AUTS2: variants seen among roughly 807,000 people sequenced by gnomAD.
AUTS2 encodes autism susceptibility gene 2 protein.
AUTS2 carries 17 observed loss-of-function variants against 112.4 expected under a neutral mutation model. The ratio of observed to expected loss-of-function variants is 0.15; its 90% CI spans 0.10 to 0.23. AUTS2 has a LOEUF of 0.23. Ranked by LOEUF, AUTS2 falls within the 10% of genes least tolerant of loss-of-function variation. The probability of loss-of-function intolerance (pLI) is 1.00; values close to 1 mark genes in which losing one functional copy is unlikely to be tolerated. For synonymous variants in AUTS2, 751 were observed against 702.7 expected (o/e 1.07, Z -1.09); for missense variants, 1,510 against 1,701.6 (o/e 0.89, Z 1.98).
chr7:70,632,109 A>T (rs185424809), intron 5 of AUTS2, among the ~76,000 whole-genome samples: 1 of 152,076 alleles, frequency 6.6e-6, no homozygotes, highest in Non-Finnish European at 1.5e-5. Flanking sequence ...AGACTAGGAA[A>T]TTAGATGGTC....
intron 2 of AUTS2, among the ~76,000 whole-genome samples, chr7:70,003,681 G>T (rs370062181): frequency 8.5e-6 from 1 of 117,478 alleles, no homozygotes; most frequent in Admixed American, 9.8e-5. Context: ...ATATGAATGT[G>T]TTATATATGA....
intron 5 of AUTS2, among the ~76,000 whole-genome samples, chr7:70,548,144 C>T (rs1015894348): frequency 6.6e-5 from 10 of 152,256 alleles, no homozygotes; most frequent in Admixed American, 1.3e-4. Flanking sequence ...GATTTCTACC[C>T]GCACCCCATC....
intron 5 of AUTS2, among the ~76,000 whole-genome samples, chr7:70,473,289 A>G: frequency 6.6e-6 from 1 of 152,266 alleles, no homozygotes; most frequent in Non-Finnish European, 1.5e-5. Flanking sequence ...GCATGTAACC[A>G]GAGTAAACGT....
At chr7:70,259,837 G>T (rs964116941) in intron 4 of AUTS2, among the ~76,000 whole-genome samples, 10 of 152,180 alleles carry the variant, frequency 6.6e-5, no homozygotes, top group African/African-American at 2.2e-4. Flanking sequence ...TCACATTAGT[G>T]GGGTAGATAG....
chr7:70,749,885 T>C (rs1352378448), intron 6 of AUTS2, among the ~76,000 whole-genome samples: 1 of 152,238 alleles, frequency 6.6e-6, no homozygotes. Flanking sequence ...CAGTGATTGC[T>C]TTTAGGATAT....
chr7:69,743,864 A>G (rs961288995), intron 1 of AUTS2, among the ~76,000 whole-genome samples: 2 of 152,170 alleles, frequency 1.3e-5, no homozygotes, highest in Admixed American at 6.6e-5. Context: ...TAGAACGATC[A>G]TAGCTCACTA....
chr7:70,777,000 A>G (rs1355336201), intron 13 of AUTS2, 103 bp from the exon 14 acceptor site: 2 of 1,114,756 alleles, frequency 1.8e-6, no homozygotes, highest in East Asian at 2.4e-5. Flanking sequence ...TGTTTCACGA[A>G]AAAAGCCTCT....
chr7:70,420,421 G>T (rs1252955079), intron 4 of AUTS2, among the ~76,000 whole-genome samples: 1 of 152,184 alleles, frequency 6.6e-6, no homozygotes, highest in Non-Finnish European at 1.5e-5. Context: ...AGCAGCAGAG[G>T]CCATCCATAC....
At chr7:70,788,785 C>T (rs1166091743) in intron 18 of AUTS2, among the ~76,000 whole-genome samples, 4 of 152,258 alleles carry the variant, frequency 2.6e-5, no homozygotes, top group African/African-American at 9.6e-5. Context: ...CTGATCCTTG[C>T]ACACCAGCAC....
chr7:70,165,944 C>G (rs934781687), intron 4 of AUTS2, among the ~76,000 whole-genome samples: 40 of 151,776 alleles, frequency 2.6e-4, no homozygotes, highest in Non-Finnish European at 5.0e-4. Flanking sequence ...CAGTTCCCCA[C>G]TGCTGTTCTC....
chr7:69,657,828 A>G (rs1795613155), intron 1 of AUTS2, among the ~76,000 whole-genome samples: 1 of 152,202 alleles, frequency 6.6e-6, no homozygotes, highest in African/African-American at 2.4e-5. Context: ...AGCATTTATC[A>G]CATTGTTCTG....
chr7:69,747,044 T>G (rs1483767955), intron 1 of AUTS2, among the ~76,000 whole-genome samples: 1 of 152,216 alleles, frequency 6.6e-6, no homozygotes, highest in African/African-American at 2.4e-5. Context: ...TCTGTGTTGC[T>G]TGGGCCTAGC....
At chr7:69,771,906 T>C (rs1788680802) in intron 1 of AUTS2, among the ~76,000 whole-genome samples, 1 of 151,912 alleles carries the variant, frequency 6.6e-6, no homozygotes, top group South Asian at 2.1e-4. Context: ...TGTCTCAGCC[T>C]CCCGAGTAGC....
At chr7:70,147,356 T>C (rs537452880) in intron 4 of AUTS2, among the ~76,000 whole-genome samples, 109 of 152,278 alleles carry the variant, frequency 7.2e-4, no homozygotes, top group African/African-American at 2.5e-3. Flanking sequence ...TCCACAGTTA[T>C]AGATGAGGAA....
chr7:69,863,115 A>G (rs1416071689), intron 1 of AUTS2, among the ~76,000 whole-genome samples: 1 of 152,172 alleles, frequency 6.6e-6, no homozygotes, highest in African/African-American at 2.4e-5. Flanking sequence ...ACATATGTGT[A>G]TATTTGTATA....
At chr7:69,868,198 G>A (rs1793322618) in intron 1 of AUTS2, among the ~76,000 whole-genome samples, 1 of 152,090 alleles carries the variant, frequency 6.6e-6, no homozygotes. Context: ...CTAATGAAAA[G>A]CTTCTGTTGG....
At chr7:70,520,485 T>A (rs1389891547) in intron 5 of AUTS2, among the ~76,000 whole-genome samples, 1 of 152,234 alleles carries the variant, frequency 6.6e-6, no homozygotes. Context: ...CAGCAATTCT[T>A]GTAGCTGGCT....
At chr7:70,580,080 G>T (rs1031777667) in intron 5 of AUTS2, among the ~76,000 whole-genome samples, 11 of 152,076 alleles carry the variant, frequency 7.2e-5, no homozygotes, top group East Asian at 1.9e-4. Flanking sequence ...CAGTGCCTTC[G>T]AACGTAACCA....
chr7:70,593,968 T>C (rs1451183194), intron 5 of AUTS2, among the ~76,000 whole-genome samples: 1 of 152,202 alleles, frequency 6.6e-6, no homozygotes, highest in East Asian at 1.9e-4. Context: ...TAGAACATTA[T>C]TCTGCTCAGG....
Sources: allele counts gnomAD v4.1 joint callset (sites outside exome capture counted in the v4.1 genomes callset), GRCh38; gene constraint gnomAD v4.1.1; transcripts MANE v1.5; gene names NCBI Gene and HGNC (gene_info 2026-07-23, HGNC 2026-07-21).